The following PLCG2 variants were observed in gnomAD, a reference collection of about 807,000 sequenced individuals.
The protein encoded by PLCG2 is 1-phosphatidylinositol 4,5-bisphosphate phosphodiesterase gamma-2.
A neutral mutation model predicts 175.6 loss-of-function variants in PLCG2; 69 were observed. The ratio of observed to expected loss-of-function variants is 0.39; its 90% CI spans 0.32 to 0.48. PLCG2 has a LOEUF of 0.48. Among genes scored for constraint, PLCG2 ranks in the 20% least tolerant of loss-of-function variants. The pLI is 0.91. For missense variants in PLCG2, 1,798 were observed against 1,650.9 expected, an observed-to-expected ratio of 1.09 and a Z score of -1.54; for synonymous variants, 827 against 624.0, an observed-to-expected ratio of 1.33 and a Z score of -4.85.
chr16:81,778,032 C>CAAACAAAA (rs1567457708), upstream of PLCG2, among the ~76,000 whole-genome samples: 18 of 58,704 alleles, frequency 3.1e-4, no homozygotes, highest in African/African-American at 1.4e-3. Context: ...AAAAAAAAAA[C>CAAACAAAA]AAAAAAAAAA....
At chr16:81,843,929 GTTTCCT>G (rs1204090884) in intron 2 of PLCG2, among the ~76,000 whole-genome samples, 6 of 151,480 alleles carry the variant, frequency 4.0e-5, no homozygotes, top group Non-Finnish European at 7.4e-5. Flanking sequence ...TTCTGTTTCT[GTTTCCT>G]TTTCCTTTTT....
chr16:81,925,615 C>T (rs62044885), intron 22 of PLCG2, among the ~76,000 whole-genome samples: 4,777 of 152,278 alleles, frequency 0.031, 100 homozygotes, highest in Non-Finnish European at 0.047. Flanking sequence ...CAGCCGGGTG[C>T]AGTGACTTGC....
intron 6 of PLCG2, among the ~76,000 whole-genome samples, chr16:81,869,818 G>T (rs561781804): frequency 6.6e-6 from 1 of 152,252 alleles, no homozygotes; most frequent in East Asian, 1.9e-4. Context: ...GGTCTGGGCA[G>T]TAAAGCCACT....
chr16:81,869,421 G>A, intron 6 of PLCG2, 123 bp downstream of exon 6: 3 of 705,488 alleles, frequency 4.3e-6, no homozygotes, highest in East Asian at 2.5e-5. Context: ...TGCCTCCAGA[G>A]TACATCTTAG....
intron 5 of PLCG2, among the ~76,000 whole-genome samples, chr16:81,859,941 A>G (rs960684899): frequency 9.2e-5 from 14 of 152,060 alleles, no homozygotes; most frequent in East Asian, 3.9e-4. Context: ...GAAGCTCCCT[A>G]TCAGTCCTGC....
intron 25 of PLCG2, among the ~76,000 whole-genome samples, chr16:81,931,904 G>T (rs1243830714): frequency 1.3e-5 from 2 of 152,226 alleles, no homozygotes; most frequent in Non-Finnish European, 2.9e-5. Flanking sequence ...AGTGCCTGCA[G>T]CAATGCTCAT....
intron 13 of PLCG2, among the ~76,000 whole-genome samples, chr16:81,899,697 C>T (rs1367849101): frequency 6.6e-6 from 1 of 152,142 alleles, no homozygotes; most frequent in African/African-American, 2.4e-5. Flanking sequence ...TGAGGGCTGC[C>T]TGGTGTTCCT....
At chr16:81,755,385 T>G (rs973186126) in intron 1 of PLCG2, among the ~76,000 whole-genome samples, 12 of 149,768 alleles carry the variant, frequency 8.0e-5, no homozygotes, top group African/African-American at 3.0e-4. Flanking sequence ...TTTTTTTTTT[T>G]GGTAGAGATG....
rs138816680 is a variant in PLCG2 at position 81,748,159 on chromosome 16, G to A, written c.-144-7711G>A. On this transcript the variant is annotated intron_variant, in intron 1 of 5. Coordinates refer to the PLCG2 transcript ENST00000565054. ...CAAAGTGCTGGGATTGCAAGCCTGCGCCACCGCACCCGGCCAAGGCCCTTA... is the reference window on the plus strand; with the variant it reads ...CAAAGTGCTGGGATTGCAAGCCTGCACCACCGCACCCGGCCAAGGCCCTTA... Among the ~76,000 whole-genome samples, 289 of 152,160 alleles carry A rather than the reference G, an allele frequency of 1.9e-3. No individual in the cohort carries two copies. The East Asian group carries it at 0.032, about 17-fold the overall frequency.
At chr16:81,884,782 A>T (rs887524029) in intron 9 of PLCG2, among the ~76,000 whole-genome samples, 2 of 152,142 alleles carry the variant, frequency 1.3e-5, no homozygotes, top group Non-Finnish European at 2.9e-5. Flanking sequence ...TTACTTAAAA[A>T]ACCTCTTGTC....
Position 81,893,808 on chromosome 16 carries a change from T to G in PLCG2, c.1072+14T>G. ...GCTGCATTGAACGTGAGTAGCTCCT[T>G]CTTGGTGGAGGTCAGGCTCGCAGCA... On this transcript the variant is annotated intron_variant, in intron 12 of 32. Transcript: ENST00000564138. 6.4e-7 allele frequency: 1 copy of G among 1,568,722 alleles called. No individual in the cohort carries two copies. Among genetic ancestry groups the G allele is most frequent in the South Asian group, 1.1e-5 (1 of 90,036 alleles).
intron 2 of PLCG2, among the ~76,000 whole-genome samples, chr16:81,808,303 C>A (rs967356801): frequency 6.6e-6 from 1 of 151,986 alleles, no homozygotes; most frequent in African/African-American, 2.4e-5. Flanking sequence ...GGAGGCAAAC[C>A]CCTCCCCTTA....
intron 2 of PLCG2, among the ~76,000 whole-genome samples, chr16:81,844,002 C>T (rs1035279462): frequency 9.4e-5 from 14 of 149,008 alleles, no homozygotes; most frequent in African/African-American, 2.5e-4. Flanking sequence ...TTTGAGAAGG[C>T]GTCTTGCTCT....
In PLCG2 at chr16:81,803,551, T is replaced by C. The variant is rs1319755626; in HGVS notation, c.193+17369T>C. Among the ~76,000 whole-genome samples the C allele has an allele frequency of 3.3e-5, 4 of 121,714 alleles. No homozygotes were observed. In the East Asian group the frequency reaches 9.9e-4, roughly 30 times the overall value. The allele number at this position is 121,714 out of a possible 152,430, so 79.8% of individuals were successfully genotyped here. ...CCTTTCTTTCTTTTCTTTCTTTCCT[T>C]TCTTTCCTTCCTTTCCTTTCCTTTC... On this transcript the variant is annotated intron_variant, in intron 2 of 32. Coordinates refer to ENST00000564138, the MANE Select transcript of PLCG2 (RefSeq NM_002661.5).
At chr16:81,769,163 C>T (rs1047567552) in intron 2 of PLCG2, among the ~76,000 whole-genome samples, 1 of 152,208 alleles carries the variant, frequency 6.6e-6, no homozygotes, top group African/African-American at 2.4e-5. Context: ...TGCTCCCCCA[C>T]AAAGGAACTC....
At chr16:81,816,746 C>T (rs1401639374) in intron 2 of PLCG2, among the ~76,000 whole-genome samples, 3 of 145,188 alleles carry the variant, frequency 2.1e-5, no homozygotes, top group Non-Finnish European at 3.0e-5. Flanking sequence ...AAGCAGTCCT[C>T]GCATTTCAGC....
chr16:81,770,526 A>G (rs1910254954), intron 2 of PLCG2, among the ~76,000 whole-genome samples: 1 of 152,152 alleles, frequency 6.6e-6, no homozygotes, highest in African/African-American at 2.4e-5. Flanking sequence ...CAGCCTGGGT[A>G]ACACGATGAA....
At chr16:81,907,807 G>A in intron 16 of PLCG2, 33 bp downstream of exon 16, 2 of 1,540,158 alleles carry the variant, frequency 1.3e-6, no homozygotes, top group Non-Finnish European at 1.8e-6. Context: ...TAGGGAGGAG[G>A]TCCCCAGGAA....
intron 8 of PLCG2, among the ~76,000 whole-genome samples, chr16:81,882,507 C>T (rs2143573537): frequency 6.6e-6 from 1 of 152,190 alleles, no homozygotes; most frequent in South Asian, 2.1e-4. Flanking sequence ...TCTCCAACAC[C>T]AGCTCTCCCT....
Sources: allele counts gnomAD v4.1 joint callset (sites outside exome capture counted in the v4.1 genomes callset), GRCh38; gene constraint gnomAD v4.1.1; transcripts MANE v1.5; gene names NCBI Gene and HGNC (gene_info 2026-07-23, HGNC 2026-07-21).